STBD1: variants seen among roughly 807,000 people sequenced by gnomAD.
The protein encoded by STBD1 is starch binding domain 1, also known as starch-binding domain-containing protein 1.
Under a neutral mutation model 10.5 loss-of-function variants are expected in STBD1, and 13 were observed. The observed-to-expected ratio is 1.24, with a 90% CI of 0.81 to 1.97. The LOEUF (loss-of-function observed/expected upper bound fraction) is 1.97, where lower values mean the gene tolerates loss of function less well. Ranked by LOEUF, STBD1 falls within the 30% of genes most tolerant of loss-of-function variation. STBD1 has a pLI of 0.00. For synonymous variants in STBD1, 146 were observed against 160.2 expected, an observed-to-expected ratio of 0.91 and a Z score of 0.67; for missense variants, 427 against 435.6, an observed-to-expected ratio of 0.98 and a Z score of 0.17.
Position 76,307,076 on chromosome 4 carries a change from A to G in STBD1, c.220+87A>G. 5.1e-6 allele frequency: 7 copies of G among 1,360,700 alleles called. No homozygotes were observed. In the South Asian group the frequency reaches 8.7e-5, roughly 17 times the overall value. The allele number at this position is 1,360,700 out of a possible 1,614,324, so 84.3% of individuals were successfully genotyped here. ...GGAGCAAAGAGACAAACCCACCTGG[A>G]GCTTTCCTAGGGGCCCATTCCTGCG... On this transcript the variant is annotated intron_variant, in intron 1 of 1. Coordinates refer to ENST00000237642, the MANE Select transcript of STBD1 (RefSeq NM_003943.5).
At position 76,309,541 on chromosome 4, in the gene STBD1, G is replaced by A; in HGVS notation, c.618G>A (p.Val206=). 2 of 1,614,252 alleles carry A rather than the reference G, an allele frequency of 1.2e-6. No homozygotes were observed. The highest frequency in any genetic ancestry group is 1.7e-6 in the Non-Finnish European group (2 of 1,180,046). The change falls in exon 2 of 2, where the codon GTG becomes GTA. Residue 206 remains valine (V), a synonymous_variant. Transcript: ENST00000237642. ...DRVDHEEWEM[V]PRHSSWGDVG... is the part of the protein sequence containing the mutation. ...TTGACCACGAGGAGTGGGAAATGGTGCCTAGGCACTCATCTTGGGGGGATG... is the reference window on the plus strand; with the variant it reads ...TTGACCACGAGGAGTGGGAAATGGTACCTAGGCACTCATCTTGGGGGGATG...
rs944226141 is a variant in STBD1, at chr4:76,310,090, C to G, written c.*90C>G. 6.8e-7 allele frequency: 1 copy of G among 1,481,002 alleles called. No individual in the cohort carries two copies. Among genetic ancestry groups the G allele is most frequent in the Non-Finnish European group, 9.0e-7 (1 of 1,111,952 alleles). The allele number at this position is 1,481,002 out of a possible 1,614,324, so 91.7% of individuals were successfully genotyped here. A position where few individuals can be genotyped will look rare whatever the true frequency, so the allele number is the denominator to read the frequency against. On this transcript the variant is annotated 3_prime_UTR_variant, in exon 2 of 2. Transcript: ENST00000237642. ...ACTGAATAAAATAAAGGCAGTGTGA[C>G]TCCAAATTCAGCCATCTGAATTGTT...
In STBD1 at chr4:76,309,334, C is replaced by G. The variant is rs1160009937; in HGVS notation, c.411C>G (p.Tyr137Ter). 6.2e-7 allele frequency: 1 copy of G among 1,612,778 alleles called. No homozygotes were observed. The highest frequency in any genetic ancestry group is 2.2e-5 in the East Asian group (1 of 44,886). ...CTGAGACCAGTAACTCTAGGAGTTA[C>G]TCTGAAGTTTCAAGAAATGAAAGCC... ...ATSETSNSRSYSEVSRNESLE... is the reference protein window; with the variant it reads ...ATSETSNSRS Residue 137 changes from tyrosine (Y) to a stop codon, truncating the protein, a stop_gained, in exon 2 of 2, where the codon TAC becomes TAG. Coordinates refer to ENST00000237642, the MANE Select transcript of STBD1 (RefSeq NM_003943.5). LOFTEE classifies it low-confidence loss of function (END_TRUNC).
rs1008501593 is a variant in STBD1, at chr4:76,309,407, T to C, written c.484T>C (p.Ser162Pro). 1.9e-6 allele frequency: 3 copies of C among 1,614,076 alleles called. No individual in the cohort carries two copies. Among genetic ancestry groups the C allele is most frequent in the East Asian group, 4.5e-5 (2 of 44,882 alleles). ...EWGFQKGQEI[S>P]AKAATCFAEK... is the part of the protein sequence containing the mutation. ...GGGATTCCAAAAAGGACAAGAGATATCTGCTAAAGCAGCTACATGTTTTGC... is the reference window on the plus strand; with the variant it reads ...GGGATTCCAAAAAGGACAAGAGATACCTGCTAAAGCAGCTACATGTTTTGC... The change falls in exon 2 of 2, where the codon TCT becomes CCT. Residue 162 changes from serine to proline, a missense_variant. Coordinates refer to ENST00000237642, the MANE Select transcript of STBD1 (RefSeq NM_003943.5).
chr4:76,309,433 A>G lies in STBD1; in HGVS notation c.510A>G (p.Ala170=), dbSNP rs780149656. 1 of 1,614,254 alleles carries G rather than the reference A, an allele frequency of 6.2e-7. No individual in the cohort carries two copies. The highest frequency in any genetic ancestry group is 8.5e-7 in the Non-Finnish European group (1 of 1,180,050). Residue 170 remains alanine, a synonymous_variant, in exon 2 of 2, where the codon GCA becomes GCG. Transcript: ENST00000237642. ...CTGCTAAAGCAGCTACATGTTTTGC[A>G]GAGAAGTTGCCTTCTAGCAACCTGC... ...EISAKAATCF[A]EKLPSSNLLK...
Position 76,306,755 on chromosome 4 carries a change from C to G in STBD1, c.-15C>G. 1 of 1,607,112 alleles carries G rather than the reference C, an allele frequency of 6.2e-7. No individual in the cohort carries two copies. The highest frequency in any genetic ancestry group is 8.5e-7 in the Non-Finnish European group (1 of 1,178,992). Reference sequence around the variant, plus strand: ...CCCAGTCCCTGTAGTCTCCTGCGGCCGCGGCCTCTCAGCCATGGGCGCCGT... The same window carrying G: ...CCCAGTCCCTGTAGTCTCCTGCGGCGGCGGCCTCTCAGCCATGGGCGCCGT... On this transcript the variant is annotated 5_prime_UTR_variant, in exon 1 of 2. Coordinates refer to ENST00000237642, the MANE Select transcript of STBD1 (RefSeq NM_003943.5).
chr4:76,307,090 C>T, intron 1 of STBD1, 101 bp downstream of exon 1: 3 of 1,239,380 alleles, frequency 2.4e-6, no homozygotes, highest in East Asian at 2.5e-5. Flanking sequence ...TTCCTAGGGG[C>T]CCATTCCTGC....
chr4:76,309,964 G>T lies in STBD1; in HGVS notation c.1041G>T (p.Glu347Asp). The change falls in exon 2 of 2, where the codon GAG becomes GAT. Residue 347 changes from glutamate (E) to aspartate (D), a missense_variant. Glu to Asp is a conservative substitution (Grantham distance 45). Transcript: ENST00000237642. ...CSNRFLETGH[E>D]DKVVHAWWGI... ...ATAGATTCCTAGAAACTGGCCATGA[G>T]GATAAAGTGGTTCACGCATGGTGGG... 6.2e-7 allele frequency: 1 copy of T among 1,613,498 alleles called. No homozygotes were observed. Among genetic ancestry groups the T allele is most frequent in the Non-Finnish European group, 8.5e-7 (1 of 1,179,948 alleles).
In STBD1 at chr4:76,310,139, T is replaced by A; in HGVS notation, c.*139T>A. The A allele has an allele frequency of 8.9e-7, 1 of 1,120,422 alleles. No individual in the cohort carries two copies. Among genetic ancestry groups the A allele is most frequent in the Non-Finnish European group, 1.3e-6 (1 of 792,208 alleles). 69.4% of individuals were successfully genotyped at this position (1,120,422 alleles called of 1,614,324 possible). ...TTTAAATTTGCTAGTGGATTTTGTCTAATGTGCAGAAATATATATGTCTAA... is the reference window on the plus strand; with the variant it reads ...TTTAAATTTGCTAGTGGATTTTGTCAAATGTGCAGAAATATATATGTCTAA... On this transcript the variant is annotated 3_prime_UTR_variant, in exon 2 of 2. Transcript: ENST00000237642.
chr4:76,307,089 G>A, intron 1 of STBD1, 100 bp downstream of exon 1: 2 of 1,241,182 alleles, frequency 1.6e-6, no homozygotes, highest in Non-Finnish European at 2.3e-6. Flanking sequence ...TTTCCTAGGG[G>A]CCCATTCCTG....
Position 76,309,826 on chromosome 4 carries a change from T to C in STBD1, c.903T>C (p.Tyr301=). The C allele has an allele frequency of 2.5e-6, 4 of 1,614,016 alleles. No homozygotes were observed. The highest frequency in any genetic ancestry group is 2.5e-6 in the Non-Finnish European group (3 of 1,179,830). ...GRWNTYIPLH[Y]NKDGFWSHSI... is the part of the protein sequence containing the mutation. Reference sequence around the variant, plus strand: ...GGAACACTTACATCCCACTCCACTATAACAAGGATGGGTTCTGGTCTCATT... The same window carrying C: ...GGAACACTTACATCCCACTCCACTACAACAAGGATGGGTTCTGGTCTCATT... The change falls in exon 2 of 2, where the codon TAT becomes TAC. Residue 301 remains tyrosine (Y), a synonymous_variant. Coordinates refer to ENST00000237642, the MANE Select transcript of STBD1 (RefSeq NM_003943.5).
intron 1 of STBD1, among the ~76,000 whole-genome samples, chr4:76,307,210 G>T (rs1457011632): frequency 6.6e-6 from 1 of 152,172 alleles, no homozygotes; most frequent in Non-Finnish European, 1.5e-5. Flanking sequence ...CCGCGCCCTT[G>T]CCGAGTCCCT....
chr4:76,308,175 A>G (rs1003294698), intron 1 of STBD1, among the ~76,000 whole-genome samples: 1 of 150,478 alleles, frequency 6.6e-6, no homozygotes, highest in Non-Finnish European at 1.5e-5. Flanking sequence ...AGGCTAAAGC[A>G]GGAGAATCGC....
At position 76,309,512 on chromosome 4, in the gene STBD1, C is replaced by T. The variant is rs368334007; in HGVS notation, c.589C>T (p.Arg197Trp). ...CCTCTCTGATTTGAACAGTCAGGAC[C>T]GGGTTGACCACGAGGAGTGGGAAAT... ...MSLSDLNSQD[R>W]VDHEEWEMVP... The change falls in exon 2 of 2, where the codon CGG becomes TGG. Residue 197 changes from arginine (R) to tryptophan (W), a missense_variant. Coordinates refer to ENST00000237642, the MANE Select transcript of STBD1 (RefSeq NM_003943.5). The T allele has an allele frequency of 1.7e-5, 27 of 1,614,202 alleles. No individual in the cohort carries two copies. Among genetic ancestry groups the T allele is most frequent in the Middle Eastern group, 1.6e-4 (1 of 6,062 alleles).
Position 76,306,813 on chromosome 4 carries a change from C to T in STBD1, c.44C>T (p.Ala15Val), listed in dbSNP as rs759427326. ...GCCCTGCTGGTTGGAGGGGGTCTGG[C>T]CGGAGCACTTTTCGTTTGGCTGCTG... ...WSALLVGGGL[A>V]GALFVWLLRG... The change falls in exon 1 of 2, where the codon GCC becomes GTC. Residue 15 changes from alanine (A) to valine (V), a missense_variant. Ala to Val is a moderately conservative substitution (Grantham distance 64, BLOSUM62 0). Coordinates refer to ENST00000237642, the MANE Select transcript of STBD1 (RefSeq NM_003943.5). The T allele has an allele frequency of 1.2e-4, 186 of 1,612,442 alleles. No individual in the cohort carries two copies. Among genetic ancestry groups the T allele is most frequent in the Non-Finnish European group, 1.5e-4 (178 of 1,179,612 alleles).
At chr4:76,308,985 C>A (rs561164942) in intron 1 of STBD1, among the ~76,000 whole-genome samples, 159 bp from the exon 2 acceptor site, 1 of 152,292 alleles carries the variant, frequency 6.6e-6, no homozygotes, top group Admixed American at 6.5e-5. Context: ...TGGGAGCATA[C>A]TGGTTAATTA....
At position 76,306,881 on chromosome 4, in the gene STBD1, C is replaced by CAGG. The variant is rs750463429; in HGVS notation, c.115_117dup (p.Glu39dup). The CAGG allele has an allele frequency of 4.2e-5, 68 of 1,611,762 alleles. No homozygotes were observed. The highest frequency in any genetic ancestry group is 5.1e-5 in the Non-Finnish European group (60 of 1,179,234). ...CACCGGGAAGGACGGGGATGCGGAG[C>CAGG]AGGAGAAAGACGCCCCTCTTGGGGG... On this transcript the variant is annotated inframe_insertion, in exon 1 of 2. Coordinates refer to ENST00000237642, the MANE Select transcript of STBD1 (RefSeq NM_003943.5).
At position 76,310,164 on chromosome 4, in the gene STBD1, A is replaced by C. The variant is rs958921905; in HGVS notation, c.*164A>C. The C allele has an allele frequency of 1.3e-5, 10 of 790,226 alleles. No individual in the cohort carries two copies. Among genetic ancestry groups the C allele is most frequent in the Non-Finnish European group, 1.8e-5 (9 of 502,054 alleles). The allele number at this position is 790,226 out of a possible 1,614,324, so 49.0% of individuals were successfully genotyped here. A position where few individuals can be genotyped will look rare whatever the true frequency, so the allele number is the denominator to read the frequency against. On this transcript the variant is annotated 3_prime_UTR_variant, in exon 2 of 2. Coordinates refer to ENST00000237642, the MANE Select transcript of STBD1 (RefSeq NM_003943.5). ...TAATGTGCAGAAATATATATGTCTA[A>C]TGTGCAGAAATATATATGTGTGTAT...
At position 76,310,187 on chromosome 4, in the gene STBD1, T is replaced by C; in HGVS notation, c.*187T>C. On this transcript the variant is annotated 3_prime_UTR_variant, in exon 2 of 2. Transcript: ENST00000237642. ...TAATGTGCAGAAATATATATGTGTG[T>C]ATGTGTGTATATATATGCACACACA... The C allele has an allele frequency of 1.5e-6, 1 of 658,960 alleles. No individual in the cohort carries two copies. The highest frequency in any genetic ancestry group is 2.6e-6 in the Non-Finnish European group (1 of 391,654). 40.8% of individuals were successfully genotyped at this position (658,960 alleles called of 1,614,324 possible). A position where few individuals can be genotyped will look rare whatever the true frequency, so the allele number is the denominator to read the frequency against.
Sources: gnomAD v4.1 joint callset for allele counts (sites outside exome capture counted in the v4.1 genomes callset) on GRCh38, gnomAD v4.1.1 for gene constraint, MANE v1.5 for transcripts, NCBI Gene and HGNC (gene_info 2026-07-23, HGNC 2026-07-21) for gene names.